Variants in ADCY9 observed in about 807,000 individuals in gnomAD.
The protein encoded by ADCY9 is adenylate cyclase 9.
ADCY9 carries 50 observed loss-of-function variants against 101.5 expected under a neutral mutation model. The ratio of observed to expected loss-of-function variants is 0.49; its 90% CI spans 0.39 to 0.62. The LOEUF (loss-of-function observed/expected upper bound fraction) is 0.62, where lower values mean the gene tolerates loss of function less well. Ranked by LOEUF, ADCY9 falls within the 20% of genes least tolerant of loss-of-function variation. ADCY9 has a pLI of 0.00. For synonymous variants in ADCY9, 905 were observed against 769.3 expected (o/e 1.18, Z -2.92); for missense variants, 1,662 against 1,800.4 (o/e 0.92, Z 1.39).
intron 2 of ADCY9, among the ~76,000 whole-genome samples, chr16:4,109,758 C>A (rs1415755896): frequency 1.3e-5 from 2 of 152,184 alleles, no homozygotes; most frequent in African/African-American, 4.8e-5. Flanking sequence ...GCCACCATCA[C>A]CCCTACCTGG....
chr16:3,983,758 C>T (rs1394328260), intron 6 of ADCY9: 5 of 328,238 alleles, frequency 1.5e-5, no homozygotes, highest in African/African-American at 2.1e-5. Flanking sequence ...GACTCCATCT[C>T]TACAAAAAAC....
In ADCY9 at chr16:3,983,274, G is replaced by A; in HGVS notation, c.2477C>T (p.Ala826Val). The A allele has an allele frequency of 6.4e-7, 1 of 1,554,738 alleles. No individual in the cohort carries two copies. The highest frequency in any genetic ancestry group is 8.7e-7 in the Non-Finnish European group (1 of 1,149,062). Residue 826 changes from alanine to valine, a missense_variant, in exon 7 of 11, where the codon GCA (alanine) becomes GTA (valine). By Grantham distance (64) the Ala-to-Val change is moderately conservative. Transcript: ENST00000294016. ...GGACAGCACCTCCAGCAGCAGGGCT[G>A]CACTGAAGACCGCCAGGGCGGCGGG... Reference protein sequence around the residue: ...PPPAALAVFSAALLLEVLSLA... With the variant: ...PPPAALAVFSVALLLEVLSLA...
intron 2 of ADCY9, among the ~76,000 whole-genome samples, chr16:4,097,487 T>TATATATACATACATACACAC (rs76750792): frequency 1.4e-5 from 1 of 72,514 alleles, no homozygotes; most frequent in Non-Finnish European, 2.7e-5. Flanking sequence ...TATATATATA[T>TATATATACATACATACACAC]ACACACACAC....
chr16:4,014,087 G>A (rs28562961), intron 2 of ADCY9, among the ~76,000 whole-genome samples: 9 of 152,032 alleles, frequency 5.9e-5, no homozygotes, highest in African/African-American at 1.9e-4. Flanking sequence ...GGGAGGCCGA[G>A]ACGGGAGCAT....
At chr16:3,959,431 T>C (rs1265064680), downstream of ADCY9, among the ~76,000 whole-genome samples, 1 of 151,510 alleles carries the variant, frequency 6.6e-6, no homozygotes, top group East Asian at 1.9e-4. Context: ...AGTTTATAAG[T>C]GGAATTCACA....
chr16:4,021,706 T>C (rs2056478260), intron 2 of ADCY9, among the ~76,000 whole-genome samples: 1 of 152,352 alleles, frequency 6.6e-6, no homozygotes, highest in Admixed American at 6.5e-5. Flanking sequence ...TCCCCCATCA[T>C]ATCCCAGAAA....
chr16:4,108,405 G>A (rs1333374571), intron 2 of ADCY9, among the ~76,000 whole-genome samples: 8 of 105,360 alleles, frequency 7.6e-5, no homozygotes, highest in Admixed American at 3.1e-4. Context: ...ACAAAGTCTC[G>A]CCCTATCGCC....
intron 2 of ADCY9, among the ~76,000 whole-genome samples, chr16:4,108,359 C>CTTTT (rs1491172269): frequency 3.7e-5 from 2 of 53,492 alleles, no homozygotes; most frequent in East Asian, 6.8e-4. Flanking sequence ...ACCGTTTCTT[C>CTTTT]ATTTTTTTTT....
intron 2 of ADCY9, among the ~76,000 whole-genome samples, chr16:4,104,861 G>A (rs1238806605): frequency 9.2e-5 from 14 of 151,976 alleles, no homozygotes; most frequent in Non-Finnish European, 1.3e-4. Flanking sequence ...AACCTCAGCC[G>A]TGGGTCGGGC....
At chr16:4,068,601 T>A (rs2056814462) in intron 2 of ADCY9, among the ~76,000 whole-genome samples, 1 of 151,932 alleles carries the variant, frequency 6.6e-6, no homozygotes, top group South Asian at 2.1e-4. Context: ...GATCATGAGG[T>A]CAGGAGATCG....
chr16:4,058,134 G>C (rs1281348843), intron 2 of ADCY9, among the ~76,000 whole-genome samples: 6 of 146,050 alleles, frequency 4.1e-5, no homozygotes, highest in Non-Finnish European at 9.0e-5. Context: ...ACTCCAGCCT[G>C]AGTGACAGAG....
chr16:4,073,159 A>T (rs1403050069), intron 2 of ADCY9, among the ~76,000 whole-genome samples: 1 of 152,026 alleles, frequency 6.6e-6, no homozygotes, highest in African/African-American at 2.4e-5. Context: ...CAGTGACGTG[A>T]TCTCAGCTCT....
intron 2 of ADCY9, among the ~76,000 whole-genome samples, chr16:4,081,986 G>A (rs1164029525): frequency 6.6e-6 from 1 of 152,068 alleles, no homozygotes; most frequent in Admixed American, 6.6e-5. Flanking sequence ...AGGCCAAGCT[G>A]GAGAACTGAA....
rs545332552 is a variant in ADCY9, at chr16:4,112,349, C to G, written c.1693+1401G>C. Among the ~76,000 whole-genome samples, 29 of 152,260 alleles carry G rather than the reference C, an allele frequency of 1.9e-4. 3 individuals carry two copies. Among genetic ancestry groups the G allele is most frequent in the Admixed American group, 1.4e-3 (22 of 15,296 alleles). On this transcript the variant is annotated intron_variant, in intron 2 of 10. Transcript: ENST00000294016. ...GGGTGAAAATAGTTTTCGTCTACAT[C>G]CATAAAATCTTCAACAGCAAAGTTA...
intron 2 of ADCY9, among the ~76,000 whole-genome samples, chr16:4,092,307 T>C (rs543437126): frequency 9.6e-4 from 146 of 152,212 alleles, no homozygotes; most frequent in African/African-American, 3.4e-3. Flanking sequence ...TAGGAAGAAA[T>C]GTGGCCAGTT....
chr16:4,008,254 A>G (rs999557396), intron 2 of ADCY9, among the ~76,000 whole-genome samples: 8 of 151,698 alleles, frequency 5.3e-5, no homozygotes, highest in African/African-American at 1.9e-4. Context: ...TATCTTTACA[A>G]TTCTCCTTTG....
intron 2 of ADCY9, among the ~76,000 whole-genome samples, chr16:4,091,114 C>T (rs1419811947): frequency 6.6e-6 from 1 of 152,016 alleles, no homozygotes; most frequent in Non-Finnish European, 1.5e-5. Flanking sequence ...CACTCTGTCA[C>T]CCAGGCTGGA....
At chr16:4,045,309 A>C (rs2056654975) in intron 2 of ADCY9, among the ~76,000 whole-genome samples, 2 of 152,130 alleles carry the variant, frequency 1.3e-5, no homozygotes, top group Admixed American at 6.6e-5. Context: ...GGAAGGAGCC[A>C]AACGCGGCTG....
At chr16:3,973,708 G>T (rs187128332) in intron 10 of ADCY9, among the ~76,000 whole-genome samples, 2 of 151,920 alleles carry the variant, frequency 1.3e-5, no homozygotes, top group Non-Finnish European at 2.9e-5. Flanking sequence ...GCCCAGGCTG[G>T]TCTAGAACTC....
Sources: gnomAD v4.1 joint callset for allele counts (sites outside exome capture counted in the v4.1 genomes callset) on GRCh38, gnomAD v4.1.1 for gene constraint, MANE v1.5 for transcripts, NCBI Gene and HGNC (gene_info 2026-07-23, HGNC 2026-07-21) for gene names.